The following DOCK3 variants were observed in gnomAD, a reference collection of about 807,000 sequenced individuals.
DOCK3 encodes the protein dedicator of cytokinesis 3, also known as dedicator of cytokinesis protein 3.
A neutral mutation model predicts 265.6 loss-of-function variants in DOCK3; 60 were observed. That is an observed-to-expected ratio of 0.23 (90% CI 0.18 to 0.28). The LOEUF is 0.28. Among genes scored for constraint, DOCK3 ranks in the 10% least tolerant of loss-of-function variants. The pLI is 1.00. For missense variants in DOCK3, 1,981 were observed against 2,594.3 expected (o/e 0.76, Z 5.14); for synonymous variants, 881 against 938.0 (o/e 0.94, Z 1.11).
At chr3:51,050,648 A>G (rs2080961735) in intron 5 of DOCK3, among the ~76,000 whole-genome samples, 5 of 152,136 alleles carry the variant, frequency 3.3e-5, no homozygotes, top group Admixed American at 3.3e-4. Flanking sequence ...CTGAGAGACA[A>G]ATGGAGGGCA....
intron 39 of DOCK3, among the ~76,000 whole-genome samples, chr3:51,349,172 G>A (rs992172421): frequency 2.0e-5 from 3 of 152,148 alleles, no homozygotes; most frequent in Non-Finnish European, 4.4e-5. Context: ...GGGAGAAGTG[G>A]CATAGGCAGG....
intron 38 of DOCK3, among the ~76,000 whole-genome samples, chr3:51,345,856 T>C (rs2085528338): frequency 6.6e-6 from 1 of 152,224 alleles, no homozygotes; most frequent in African/African-American, 2.4e-5. Flanking sequence ...ATAGTCCTTA[T>C]GTTTAATGAT....
chr3:51,125,406 C>G (rs573216142), intron 9 of DOCK3, among the ~76,000 whole-genome samples: 1 of 152,044 alleles, frequency 6.6e-6, no homozygotes, highest in Non-Finnish European at 1.5e-5. Flanking sequence ...TTTCTAGCTC[C>G]TATTTATAAA....
intron 2 of DOCK3, among the ~76,000 whole-genome samples, chr3:50,830,353 A>G (rs1001064158): frequency 1.3e-5 from 2 of 152,236 alleles, no homozygotes; most frequent in African/African-American, 2.4e-5. Context: ...TAATCATGGT[A>G]TGGAATGGAA....
chr3:50,806,172 A>G (rs2043402102), intron 2 of DOCK3, among the ~76,000 whole-genome samples: 2 of 151,494 alleles, frequency 1.3e-5, no homozygotes, highest in South Asian at 4.2e-4. Flanking sequence ...ACTGCCCAGC[A>G]GGCCTGGGGG....
intron 5 of DOCK3, among the ~76,000 whole-genome samples, chr3:50,971,937 C>T (rs1442413321): frequency 6.6e-6 from 1 of 152,210 alleles, no homozygotes. Context: ...GGGGTTGCTG[C>T]CCCAGCTCCA....
intron 9 of DOCK3, among the ~76,000 whole-genome samples, chr3:51,137,830 AAG>A (rs2084874516): frequency 6.6e-6 from 1 of 152,334 alleles, no homozygotes; most frequent in African/African-American, 2.4e-5. Flanking sequence ...TTTCTCTTGA[AAG>A]AGATCAGATA....
chr3:51,246,673 G>A, intron 21 of DOCK3, 53 bp from the exon 22 acceptor site: 1 of 1,531,178 alleles, frequency 6.5e-7, no homozygotes, highest in Non-Finnish European at 9.0e-7. Context: ...GATGTTTCAA[G>A]CTGCATTACT....
At chr3:51,255,728 C>G (rs1485340687) in intron 22 of DOCK3, among the ~76,000 whole-genome samples, 1 of 152,170 alleles carries the variant, frequency 6.6e-6, no homozygotes, top group Non-Finnish European at 1.5e-5. Flanking sequence ...CATTTAAGGT[C>G]TTCTCTATGC....
chr3:50,894,629 G>A (rs2048806679), intron 4 of DOCK3, among the ~76,000 whole-genome samples: 1 of 152,046 alleles, frequency 6.6e-6, no homozygotes. Flanking sequence ...TAAAAGACAA[G>A]TATTAAGAAT....
At chr3:51,318,108 A>C (rs1413658524) in intron 32 of DOCK3, among the ~76,000 whole-genome samples, 1 of 152,176 alleles carries the variant, frequency 6.6e-6, no homozygotes, top group Non-Finnish European at 1.5e-5. Flanking sequence ...GGCCGGGCAC[A>C]GTGGCTATGC....
intron 23 of DOCK3, among the ~76,000 whole-genome samples, chr3:51,268,635 G>A (rs1241729523): frequency 6.6e-6 from 1 of 151,848 alleles, no homozygotes; most frequent in Non-Finnish European, 1.5e-5. Context: ...CTACTTTTTT[G>A]TTTTCCGCTT....
chr3:50,747,105 A>G (rs1388417054), intron 1 of DOCK3, among the ~76,000 whole-genome samples: 1 of 152,196 alleles, frequency 6.6e-6, no homozygotes, highest in Non-Finnish European at 1.5e-5. Context: ...TAAAAAATCA[A>G]CTGTCTTTAT....
intron 2 of DOCK3, among the ~76,000 whole-genome samples, chr3:50,801,806 C>T (rs1338020007): frequency 6.6e-6 from 1 of 152,046 alleles, no homozygotes; most frequent in African/African-American, 2.4e-5. Flanking sequence ...TGTTGAAGTC[C>T]ACAGCTATTA....
intron 9 of DOCK3, among the ~76,000 whole-genome samples, chr3:51,128,824 A>C (rs1442389053): frequency 6.6e-6 from 1 of 152,182 alleles, no homozygotes; most frequent in African/African-American, 2.4e-5. Flanking sequence ...TGCTAAGCCC[A>C]AGCGTAACCT....
chr3:51,251,820 A>G (rs2079259276), intron 22 of DOCK3, among the ~76,000 whole-genome samples: 1 of 152,180 alleles, frequency 6.6e-6, no homozygotes, highest in Non-Finnish European at 1.5e-5. Context: ...TTGCCTGTTC[A>G]CTGTGATGAT....
chr3:50,817,408 C>T (rs2106859510), intron 2 of DOCK3, among the ~76,000 whole-genome samples: 1 of 152,246 alleles, frequency 6.6e-6, no homozygotes, highest in Non-Finnish European at 1.5e-5. Flanking sequence ...TTGTCCTCCT[C>T]AGCCTCCTAA....
At chr3:50,826,151 G>T (rs2044742471) in intron 2 of DOCK3, among the ~76,000 whole-genome samples, 1 of 151,524 alleles carries the variant, frequency 6.6e-6, no homozygotes, top group African/African-American at 2.4e-5. Context: ...AGCCTTTTGG[G>T]GCCCCTTTTG....
At chr3:51,298,093 T>A (rs1278802931) in intron 27 of DOCK3, among the ~76,000 whole-genome samples, 1 of 152,258 alleles carries the variant, frequency 6.6e-6, no homozygotes, top group East Asian at 1.9e-4. Flanking sequence ...GAATTTTCTT[T>A]GTGAAAACCT....
Sources: gnomAD v4.1 joint callset for allele counts (sites outside exome capture counted in the v4.1 genomes callset) on GRCh38, gnomAD v4.1.1 for gene constraint, MANE v1.5 for transcripts, NCBI Gene and HGNC (gene_info 2026-07-23, HGNC 2026-07-21) for gene names.